The following CIAPIN1 variants were observed in gnomAD, a reference collection of about 807,000 sequenced individuals.
The protein encoded by CIAPIN1 is anamorsin.
Under a neutral mutation model 34.3 loss-of-function variants are expected in CIAPIN1, and 18 were observed. The ratio of observed to expected loss-of-function variants is 0.52; its 90% confidence interval spans 0.36 to 0.78. The LOEUF (loss-of-function observed/expected upper bound fraction) is 0.78, where lower values mean the gene tolerates loss of function less well. Ranked by LOEUF, CIAPIN1 falls within the 30% of genes least tolerant of loss-of-function variation. The pLI, the probability that CIAPIN1 is intolerant of heterozygous loss-of-function variation, is 0.00. For synonymous variants in CIAPIN1, 131 were observed against 140.4 expected (o/e 0.93, Z 0.47); for missense variants, 310 against 372.5 (o/e 0.83, Z 1.38).
At chr16:57,435,284 C>A (rs1567571351) in intron 4 of CIAPIN1, among the ~76,000 whole-genome samples, 1 of 152,194 alleles carries the variant, frequency 6.6e-6, no homozygotes, top group East Asian at 1.9e-4. Context: ...ATTGAGGCCT[C>A]CCTAGAAGCC....
At chr16:57,438,002 C>T (rs2146565749) in intron 3 of CIAPIN1, among the ~76,000 whole-genome samples, 1 of 152,210 alleles carries the variant, frequency 6.6e-6, no homozygotes, top group East Asian at 1.9e-4. Context: ...CTGCAAAGTG[C>T]ACAGAAACAC....
chr16:57,431,911 T>C (rs1467301366), intron 6 of CIAPIN1, among the ~76,000 whole-genome samples: 1 of 152,208 alleles, frequency 6.6e-6, no homozygotes, highest in Non-Finnish European at 1.5e-5. Context: ...CTATTTAAGC[T>C]GACAAAATCT....
chr16:57,445,898 T>C (rs1193908415), intron 1 of CIAPIN1, among the ~76,000 whole-genome samples: 1 of 122,188 alleles, frequency 8.2e-6, no homozygotes, highest in Non-Finnish European at 1.6e-5. Flanking sequence ...CAGGCTGGAG[T>C]GCAATGGCAC....
At chr16:57,430,223 GT>G in intron 8 of CIAPIN1, 34 bp downstream of exon 8, 1 of 1,579,600 alleles carries the variant, frequency 6.3e-7, no homozygotes, top group Non-Finnish European at 8.7e-7. Context: ...CCCCCTGGGG[GT>G]TTGTGAATGC....
chr16:57,428,712 G>A lies in CIAPIN1; in HGVS notation c.*458C>T, dbSNP rs1903009881. ...GTGAGTCCTCTGGTGCCCTGAGGAG[G>A]TTGTGAGCCACTTGACTCGTGTCAC... is the stretch of plus-strand genomic sequence containing the variant. On this transcript the variant is annotated 3_prime_UTR_variant, in exon 9 of 9. Transcript: ENST00000394391. The A allele has an allele frequency of 6.5e-6, 1 of 154,342 alleles. No homozygotes were observed. Among genetic ancestry groups the A allele is most frequent in the African/African-American group, 2.4e-5 (1 of 41,466 alleles). 9.6% of individuals were successfully genotyped at this position (154,342 alleles called of 1,614,324 possible).
At chr16:57,436,999 C>A (rs777250909) in intron 3 of CIAPIN1, among the ~76,000 whole-genome samples, 27 of 152,032 alleles carry the variant, frequency 1.8e-4, no homozygotes, top group Non-Finnish European at 3.2e-4. Context: ...TGGTGGCACA[C>A]GCCTGTAATC....
At chr16:57,435,079 G>A (rs1903169663) in intron 4 of CIAPIN1, among the ~76,000 whole-genome samples, 1 of 152,152 alleles carries the variant, frequency 6.6e-6, no homozygotes, top group Admixed American at 6.5e-5. Context: ...GTTGGAGGTG[G>A]GGCCTGGTGA....
chr16:57,433,995 G>GT, intron 5 of CIAPIN1, 49 bp downstream of exon 5: 1 of 1,510,516 alleles, frequency 6.6e-7, no homozygotes, highest in Non-Finnish European at 9.2e-7. Context: ...TTTCTAACAT[G>GT]TCCCTCTAAG....
In CIAPIN1 at chr16:57,429,286, G is replaced by A. The variant is rs776324131; in HGVS notation, c.829-6C>T. ...AAGGCATCGCCCAGGTAGCACTGGAGAGAGAGAATGGGGAAGCCAAGGGTC... is the reference window on the plus strand; with the variant it reads ...AAGGCATCGCCCAGGTAGCACTGGAAAGAGAGAATGGGGAAGCCAAGGGTC... On this transcript the variant is annotated splice_region_variant and splice_polypyrimidine_tract_variant and intron_variant, in intron 8 of 8. Transcript: ENST00000394391. 1 of 1,601,132 alleles carries A rather than the reference G, an allele frequency of 6.2e-7. No individual in the cohort carries two copies.
At chr16:57,442,774 C>G (rs1013174149) in intron 1 of CIAPIN1, among the ~76,000 whole-genome samples, 1 of 152,184 alleles carries the variant, frequency 6.6e-6, no homozygotes, top group Non-Finnish European at 1.5e-5. Flanking sequence ...AATACTATAG[C>G]ACTTTGATTT....
At chr16:57,431,115 G>GGCAGCATGGCAGGCTCCAGTCACC in intron 7 of CIAPIN1, 36 bp downstream of exon 7, 1 of 1,314,412 alleles carries the variant, frequency 7.6e-7, no homozygotes, top group Middle Eastern at 2.4e-4. Flanking sequence ...AGCCACTGGA[G>GGCAGCATGGCAGGCTCCAGTCACC]GCAGCATGGC....
chr16:57,432,392 G>T, intron 6 of CIAPIN1, 95 bp downstream of exon 6: 1 of 991,424 alleles, frequency 1.0e-6, no homozygotes, highest in South Asian at 1.6e-5. Flanking sequence ...CTTTAAATAC[G>T]TTCACACCTA....
chr16:57,432,055 G>A (rs191965496), intron 6 of CIAPIN1, among the ~76,000 whole-genome samples: 33 of 152,294 alleles, frequency 2.2e-4, no homozygotes, highest in Non-Finnish European at 4.1e-4. Flanking sequence ...GCTCACACCT[G>A]TAATCCCAGC....
chr16:57,447,300 T>C (rs1355930532), intron 1 of CIAPIN1, 42 bp downstream of exon 1: 4 of 405,508 alleles, frequency 9.9e-6, no homozygotes, highest in African/African-American at 6.2e-5. Flanking sequence ...GAGGGGACAG[T>C]TGAGGGAGCT....
At chr16:57,442,021 A>G (rs1212513682) in intron 1 of CIAPIN1, among the ~76,000 whole-genome samples, 1 of 152,214 alleles carries the variant, frequency 6.6e-6, no homozygotes, top group Non-Finnish European at 1.5e-5. Context: ...ACTGAATTCA[A>G]GCGAAGTCAC....
chr16:57,442,240 C>T (rs1433786339), intron 1 of CIAPIN1, among the ~76,000 whole-genome samples: 4 of 151,072 alleles, frequency 2.6e-5, no homozygotes, highest in South Asian at 2.1e-4. Flanking sequence ...CAGCTACTCA[C>T]GAGGCTGAGG....
intron 5 of CIAPIN1, 151 bp from the exon 6 acceptor site, chr16:57,432,711 A>C (rs1276621570): frequency 5.7e-5 from 38 of 667,548 alleles, no homozygotes; most frequent in Non-Finnish European, 5.0e-6. Context: ...TACCCCTCTG[A>C]GAGGTCTGAC....
intron 8 of CIAPIN1, among the ~76,000 whole-genome samples, chr16:57,429,532 C>G (rs1484167416): frequency 6.6e-6 from 1 of 152,068 alleles, no homozygotes; most frequent in Non-Finnish European, 1.5e-5. Context: ...CCCTCTGTCA[C>G]CCAGGCTGGA....
chr16:57,432,085 G>A (rs979876527), intron 6 of CIAPIN1, among the ~76,000 whole-genome samples: 5 of 152,020 alleles, frequency 3.3e-5, no homozygotes, highest in African/African-American at 9.7e-5. Context: ...GGCCGAGGCG[G>A]GCAGATCACT....
Sources: gnomAD v4.1 joint callset for allele counts (sites outside exome capture counted in the v4.1 genomes callset) on GRCh38, gnomAD v4.1.1 for gene constraint, MANE v1.5 for transcripts, NCBI Gene and HGNC (gene_info 2026-07-23, HGNC 2026-07-21) for gene names.